The following INTS1 variants were observed in gnomAD, a reference collection of about 807,000 sequenced individuals.
The protein encoded by INTS1 is integrator complex subunit 1.
A neutral mutation model predicts 241.6 loss-of-function variants in INTS1; 137 were observed. The observed-to-expected ratio is 0.57, with a 90% CI of 0.49 to 0.65. INTS1 has a LOEUF of 0.65. Ranked by LOEUF, INTS1 falls within the 30% of genes least tolerant of loss-of-function variation. The pLI, the probability that INTS1 is intolerant of heterozygous loss-of-function variation, is 0.00. For synonymous variants in INTS1, 1,692 were observed against 1,337.8 expected, an observed-to-expected ratio of 1.26 and a Z score of -5.78; for missense variants, 3,073 against 3,032.2, an observed-to-expected ratio of 1.01 and a Z score of -0.32.
Position 1,499,465 on chromosome 7 carries a change from T to A in INTS1, c.844+8A>T. 3 of 1,407,714 alleles carry A rather than the reference T, an allele frequency of 2.1e-6. No homozygotes were observed. The highest frequency in any genetic ancestry group is 2.9e-6 in the Non-Finnish European group (3 of 1,052,208). The allele number at this position is 1,407,714 out of a possible 1,614,324, so 87.2% of individuals were successfully genotyped here. On this transcript the variant is annotated splice_region_variant and intron_variant, in intron 6 of 47. Coordinates refer to ENST00000404767, the MANE Select transcript of INTS1 (RefSeq NM_001080453.3). ...CACCCGCCCTCTCTGGCTGGCCGTG[T>A]GTCTCACCTGCACCCAGGTCGCCCG...
intron 12 of INTS1, among the ~76,000 whole-genome samples, chr7:1,495,761 G>A (rs73277911): frequency 0.015 from 2,301 of 152,226 alleles, 54 homozygotes; most frequent in African/African-American, 0.05. Flanking sequence ...CTCCTGTTCC[G>A]AGTGACTCGC....
Position 1,482,712 on chromosome 7 carries a change from A to G in INTS1, c.3542-5T>C. Reference sequence around the variant, plus strand: ...CCTGGAACTCGCTGTCGTCGGCTTCAGGAAGGACAACGGGTGAGCAGCCTT... The same window carrying G: ...CCTGGAACTCGCTGTCGTCGGCTTCGGGAAGGACAACGGGTGAGCAGCCTT... On this transcript the variant is annotated splice_region_variant and splice_polypyrimidine_tract_variant and intron_variant, in intron 26 of 47. Coordinates refer to ENST00000404767, the MANE Select transcript of INTS1 (RefSeq NM_001080453.3). 1.9e-6 allele frequency: 3 copies of G among 1,612,318 alleles called. No homozygotes were observed. Among genetic ancestry groups the G allele is most frequent in the Middle Eastern group, 3.3e-4 (2 of 6,056 alleles).
chr7:1,474,140 C>G, intron 41 of INTS1, 28 bp downstream of exon 41: 1 of 1,535,106 alleles, frequency 6.5e-7, no homozygotes, highest in Non-Finnish European at 8.7e-7. Context: ...TGGAAGGGAG[C>G]GCGAGGGCGG....
In INTS1 at chr7:1,497,405, G is replaced by A. The variant is rs377475792; in HGVS notation, c.1426-91C>T. The A allele has an allele frequency of 1.2e-4, 168 of 1,369,554 alleles. No homozygotes were observed. The East Asian group carries it at 1.3e-3, about 10-fold the overall frequency. The allele number at this position is 1,369,554 out of a possible 1,614,324, so 84.8% of individuals were successfully genotyped here. A position where few individuals can be genotyped will look rare whatever the true frequency, so the allele number is the denominator to read the frequency against. On this transcript the variant is annotated intron_variant, in intron 10 of 47. Coordinates refer to ENST00000404767, the MANE Select transcript of INTS1 (RefSeq NM_001080453.3). This position sits in a 1 kb window ranked among gnomAD's most constrained non-coding sequence, Gnocchi z 5.3. ...CGCAGCACCAACAGGTATGGCGCCC[G>A]AGGGCGCTGCAGTGGGTCTCAGACA...
chr7:1,492,390 C>A (rs942806733), intron 16 of INTS1, among the ~76,000 whole-genome samples: 1 of 152,174 alleles, frequency 6.6e-6, no homozygotes, highest in Non-Finnish European at 1.5e-5. Flanking sequence ...CCAAAAGGGC[C>A]GCTCTACAGA....
Position 1,473,645 on chromosome 7 carries a change from C to G in INTS1, c.5878G>C (p.Val1960Leu), listed in dbSNP as rs748182711. The stretch of plus-strand genomic sequence containing the variant: ...GTAATGTACTTATGGATGAACTGCA[C>G]AAACTTGTTGATGAAGGCAGCCAGA... ...RHLAAFINKF[V>L]QFIHKYITYN... The change falls in exon 42 of 48, where the codon GTG becomes CTG. Residue 1960 changes from valine to leucine, a missense_variant. Transcript: ENST00000404767. The G allele has an allele frequency of 1.2e-6, 2 of 1,613,352 alleles. No homozygotes were observed. Among genetic ancestry groups the G allele is most frequent in the Non-Finnish European group, 1.7e-6 (2 of 1,179,816 alleles).
intron 24 of INTS1, 125 bp downstream of exon 24, chr7:1,484,973 G>T: frequency 2.4e-6 from 1 of 413,338 alleles, no homozygotes; most frequent in Non-Finnish European, 4.5e-6. Context: ...CCACACTGCC[G>T]GCTGGCCCCG....
chr7:1,503,977 C>G lies in INTS1; in HGVS notation c.-17G>C, dbSNP rs1357406658. The stretch of plus-strand genomic sequence containing the variant: ...CCGGTTCATCCTGCCCCGTCCCTCG[C>G]GGCTCCCGGCGGCTGCGGCGTCACC... On this transcript the variant is annotated 5_prime_UTR_variant, in exon 2 of 48. Coordinates refer to ENST00000404767, the MANE Select transcript of INTS1 (RefSeq NM_001080453.3). The G allele has an allele frequency of 5.8e-6, 9 of 1,538,568 alleles. No individual in the cohort carries two copies. The highest frequency in any genetic ancestry group is 6.1e-6 in the Non-Finnish European group (7 of 1,141,968).
In INTS1 at chr7:1,476,508, G is replaced by A. The variant is rs1390142217; in HGVS notation, c.5152-53C>T. 5 of 1,600,566 alleles carry A rather than the reference G, an allele frequency of 3.1e-6. No homozygotes were observed. The Admixed American group carries it at 8.4e-5, about 27-fold the overall frequency. On this transcript the variant is annotated intron_variant, in intron 37 of 47. Coordinates refer to ENST00000404767, the MANE Select transcript of INTS1 (RefSeq NM_001080453.3). ...GAGCACCACCGCCTCTCCCGGATGG[G>A]CCACCCCCTCTCCCGGATGGGCCAC...
At chr7:1,480,272 G>T in intron 30 of INTS1, 45 bp downstream of exon 30, 1 of 1,567,478 alleles carries the variant, frequency 6.4e-7, no homozygotes, top group Non-Finnish European at 8.7e-7. Flanking sequence ...CTGCACGCAG[G>T]AAGAGGGGCT....
At position 1,491,115 on chromosome 7, in the gene INTS1, T is replaced by C. The variant is rs535293661; in HGVS notation, c.2166-1433A>G. ...ACTCCGGAGACTGATCACCAAACTA[T>C]AACATTCCCGGGAGAAAACGGGAGG... is the stretch of plus-strand genomic sequence containing the variant. On this transcript the variant is annotated intron_variant, in intron 16 of 47. Coordinates refer to ENST00000404767, the MANE Select transcript of INTS1 (RefSeq NM_001080453.3). 8.4e-4 allele frequency among the ~76,000 whole-genome samples: 128 copies of C among 152,234 alleles called. 1 individual carries two copies. The highest frequency in any genetic ancestry group is 2.9e-3 in the African/African-American group (119 of 41,548).
chr7:1,477,319 C>A (rs1781770378), intron 35 of INTS1, among the ~76,000 whole-genome samples: 1 of 149,530 alleles, frequency 6.7e-6, no homozygotes, highest in Non-Finnish European at 1.5e-5. Flanking sequence ...ATCCCCACAT[C>A]TGGCTGGTCA....
rs1347751814 is a variant in INTS1, at chr7:1,481,801, A to AC, written c.3704-314dup. 6.6e-6 allele frequency among the ~76,000 whole-genome samples: 1 copy of AC among 151,182 alleles called. No homozygotes were observed. Among genetic ancestry groups the AC allele is most frequent in the East Asian group, 2.0e-4 (1 of 5,102 alleles). ...GACCCTGGGCCACGTGGGCTCGGTG[A>AC]CCCCACCCGAGACCTGGGGCCGCAC... On this transcript the variant is annotated intron_variant, in intron 27 of 47. Transcript: ENST00000404767. This position sits in a 1 kb window ranked among gnomAD's most constrained non-coding sequence, Gnocchi z 6.8.
intron 3 of INTS1, among the ~76,000 whole-genome samples, chr7:1,502,038 CTG>C: frequency 6.6e-6 from 1 of 152,280 alleles, no homozygotes; most frequent in African/African-American, 2.4e-5. Flanking sequence ...CAGGCTTGCA[CTG>C]CAGCAGCCTG....
chr7:1,474,331 T>G lies in INTS1; in HGVS notation c.5666A>C (p.His1889Pro), dbSNP rs760777232. The part of the protein sequence containing the change: ...RHLPMIAALL[H>P]GRTHLNFQEF... ...CTGGAAGTTGAGGTGGGTGCGGCCG[T>G]GCAGGAGCGCCGCGATCATGGGCAG... The change falls in exon 41 of 48, where the codon CAC becomes CCC. Residue 1889 changes from histidine (H) to proline (P), a missense_variant. By Grantham distance (77) the His-to-Pro change is moderately conservative. Transcript: ENST00000404767. 2.5e-6 allele frequency: 4 copies of G among 1,603,998 alleles called. No individual in the cohort carries two copies. Among genetic ancestry groups the G allele is most frequent in the Non-Finnish European group, 3.4e-6 (4 of 1,176,788 alleles).
chr7:1,498,930 G>GGCCCCCCCCCCCCGCCCCCCCC, intron 8 of INTS1, 45 bp downstream of exon 8: 1 of 1,460,190 alleles, frequency 6.8e-7, no homozygotes, highest in Non-Finnish European at 9.3e-7. Context: ...CACAGAGCCT[G>GGCCCCCCCCCCCCGCCCCCCCC]CCCCCACCCC....
chr7:1,494,683 G>A, intron 14 of INTS1, 133 bp downstream of exon 14: 1 of 829,446 alleles, frequency 1.2e-6, no homozygotes. Context: ...GATTGTGGAG[G>A]AGGAGCAGGA....
intron 3 of INTS1, among the ~76,000 whole-genome samples, 187 bp downstream of exon 3, chr7:1,502,714 G>A (rs950896279): frequency 3.3e-5 from 5 of 152,180 alleles, no homozygotes; most frequent in Admixed American, 6.5e-5. Context: ...AGTGCAGGAC[G>A]CAGATGCACA....
At chr7:1,496,894 T>G (rs1782889826) in intron 11 of INTS1, among the ~76,000 whole-genome samples, 1 of 152,238 alleles carries the variant, frequency 6.6e-6, no homozygotes, top group Non-Finnish European at 1.5e-5. Context: ...CAGCAATTCA[T>G]CCCATCCAGC....
Sources: gnomAD v4.1 joint callset for allele counts (sites outside exome capture counted in the v4.1 genomes callset) on GRCh38, gnomAD v4.1.1 for gene constraint, Gnocchi (gnomAD v3.1) non-coding constraint, MANE v1.5 for transcripts, NCBI Gene and HGNC (gene_info 2026-07-23, HGNC 2026-07-21) for gene names.